The following AGPAT1 variants were observed in gnomAD, a reference collection of about 807,000 sequenced individuals.
AGPAT1 encodes the protein 1-acylglycerol-3-phosphate O-acyltransferase 1.
In AGPAT1, 6 loss-of-function variants were observed where a neutral mutation model predicts 31.2. The ratio of observed to expected loss-of-function variants is 0.19; its 90% CI spans 0.11 to 0.38. The LOEUF (loss-of-function observed/expected upper bound fraction) is 0.38, where lower values mean the gene tolerates loss of function less well. AGPAT1 is among the 10% of genes least tolerant of loss of function. The pLI is 1.00. For missense variants in AGPAT1, 187 were observed against 377.8 expected (o/e 0.49, Z 4.19); for synonymous variants, 139 against 154.0 (o/e 0.90, Z 0.72).
In AGPAT1 at chr6:32,176,068, G is replaced by C. The variant is rs551576878; in HGVS notation, c.-264C>G. ...CTTTCTGCTGTCTCTCTGAGGGCTG[G>C]GGCTGCTGCCGCCGCTATTCCCCCG... is the stretch of plus-strand genomic sequence containing the variant. On this transcript the variant is annotated 5_prime_UTR_variant, in exon 1 of 7. Transcript: ENST00000375107. 489 of 985,452 alleles carry C rather than the reference G, an allele frequency of 5.0e-4. 2 individuals are homozygous for C. In the Middle Eastern group the frequency reaches 5.7e-3, roughly 12 times the overall value. The allele number at this position is 985,452 out of a possible 1,614,324, so 61.0% of individuals were successfully genotyped here.
upstream of AGPAT1, chr6:32,177,675 C>T (rs898378663): frequency 2.0e-5 from 3 of 152,184 alleles, no homozygotes; most frequent in African/African-American, 7.2e-5. Context: ...GAGGGGCAGA[C>T]CCAAGTTCTG....
rs1340318719 is a variant in AGPAT1, at chr6:32,170,576, C to G, written c.359G>C (p.Arg120Pro). ...LLGMMEVLPG[R>P]CVPIAKRELL... ...CTCGCGCTTGGCAATGGGCACACAG[C>G]GGCCTGGCAGTACCTCCATCATCCC... The change falls in exon 4 of 7, where the codon CGC (arginine) becomes CCC (proline). Residue 120 changes from arginine to proline, a missense_variant. Arg to Pro is a moderately radical substitution (Grantham distance 103, BLOSUM62 -2). Coordinates refer to ENST00000375107, the MANE Select transcript of AGPAT1 (RefSeq NM_006411.4). The surrounding 1 kb of genome is among the most constrained non-coding windows in gnomAD (Gnocchi z 7.7). 1 of 1,612,252 alleles carries G rather than the reference C, an allele frequency of 6.2e-7. No individual in the cohort carries two copies.
In AGPAT1 at chr6:32,171,429, GGCAGCAGGAAGAGCA is replaced by G. The variant is rs754930631; in HGVS notation, c.53_67del (p.Leu18_Leu22del). The G allele has an allele frequency of 5.3e-5, 86 of 1,612,880 alleles. No individual in the cohort carries two copies. The highest frequency in any genetic ancestry group is 1.7e-4 in the Admixed American group (10 of 59,992). ...ACTGGGGCTGCAGAACCACAGGGTGGGCAGCAGGAAGAGCAGCAGCAGGAAGAGCAGCAGCAGCAG... is the reference window on the plus strand; with the variant it reads ...ACTGGGGCTGCAGAACCACAGGGTGGGCAGCAGGAAGAGCAGCAGCAGCAG... On this transcript the variant is annotated inframe_deletion, in exon 2 of 7. Coordinates refer to ENST00000375107, the MANE Select transcript of AGPAT1 (RefSeq NM_006411.4). This position sits in a 1 kb window ranked among gnomAD's most constrained non-coding sequence, Gnocchi z 6.9.
Position 32,169,630 on chromosome 6 carries a change from A to C in AGPAT1, c.680-182T>G. On this transcript the variant is annotated intron_variant, in intron 6 of 6. Transcript: ENST00000375107. This position sits in a 1 kb window ranked among gnomAD's most constrained non-coding sequence, Gnocchi z 5.9. ...CTTCTCCTATACAAAGCCTTCTCCA[A>C]TCCCCAGTTCAGACATCTCCTCAGC... 1.4e-6 allele frequency: 1 copy of C among 710,898 alleles called. No homozygotes were observed. Among genetic ancestry groups the C allele is most frequent in the Non-Finnish European group, 2.3e-6 (1 of 437,280 alleles). 44.0% of individuals were successfully genotyped at this position (710,898 alleles called of 1,614,324 possible).
upstream of AGPAT1, chr6:32,176,669 T>A: frequency 4.4e-6 from 1 of 229,474 alleles, no homozygotes; most frequent in Non-Finnish European, 7.6e-6. Flanking sequence ...CTCTGGCCTT[T>A]AAAGAGAAGA....
upstream of AGPAT1, chr6:32,177,460 G>A: frequency 5.0e-6 from 1 of 200,400 alleles, no homozygotes; most frequent in Non-Finnish European, 1.0e-5. Context: ...GGTTTAAAAC[G>A]GAGTTGAAGT....
Position 32,172,843 on chromosome 6 carries a change from A to C in AGPAT1, c.-9-1338T>G, listed in dbSNP as rs1270471520. 1 of 152,232 alleles carries C rather than the reference A, an allele frequency of 6.6e-6. No homozygotes were observed. The highest frequency in any genetic ancestry group is 2.4e-5 in the African/African-American group (1 of 41,458). The allele number at this position is 152,232 out of a possible 1,614,324, so 9.4% of individuals were successfully genotyped here. A position where few individuals can be genotyped will look rare whatever the true frequency, so the allele number is the denominator to read the frequency against. ...CACATAGACACAAATTTATAATTACACCCAGTGACAGATAAAAGAATGTAA... is the reference window on the plus strand; with the variant it reads ...CACATAGACACAAATTTATAATTACCCCCAGTGACAGATAAAAGAATGTAA... On this transcript the variant is annotated intron_variant, in intron 1 of 6. Transcript: ENST00000375107. This position sits in a 1 kb window ranked among gnomAD's most constrained non-coding sequence, Gnocchi z 4.3.
Position 32,170,792 on chromosome 6 carries a change from C to T in AGPAT1, c.334+145G>A. 1 of 1,290,648 alleles carries T rather than the reference C, an allele frequency of 7.7e-7. No individual in the cohort carries two copies. The highest frequency in any genetic ancestry group is 1.1e-6 in the Non-Finnish European group (1 of 916,482). 79.9% of individuals were successfully genotyped at this position (1,290,648 alleles called of 1,614,324 possible). ...AACCTGCTTATGAGGGCAGTTCTAC[C>T]CAGGGAATGAAGGCCTGAGTGGGAG... On this transcript the variant is annotated intron_variant, in intron 3 of 6. Coordinates refer to ENST00000375107, the MANE Select transcript of AGPAT1 (RefSeq NM_006411.4). This position sits in a 1 kb window ranked among gnomAD's most constrained non-coding sequence, Gnocchi z 7.7.
chr6:32,175,673 T>C lies in AGPAT1; in HGVS notation c.-10+141A>G. 3.9e-6 allele frequency: 1 copy of C among 258,026 alleles called. No individual in the cohort carries two copies. Among genetic ancestry groups the C allele is most frequent in the Non-Finnish European group, 6.1e-6 (1 of 165,282 alleles). 16.0% of individuals were successfully genotyped at this position (258,026 alleles called of 1,614,324 possible). On this transcript the variant is annotated intron_variant, in intron 1 of 6. Transcript: ENST00000375107. This position sits in a 1 kb window ranked among gnomAD's most constrained non-coding sequence, Gnocchi z 4.5. Reference sequence around the variant, plus strand: ...TCCCCTCTCCTATCCCCAGCAACCCTCTTCCCAGTCGGCCCCTCTCCTTTC... The same window carrying C: ...TCCCCTCTCCTATCCCCAGCAACCCCCTTCCCAGTCGGCCCCTCTCCTTTC...
rs1327246356 is a variant in AGPAT1, at chr6:32,168,497, G to A, written c.*779C>T. On this transcript the variant is annotated 3_prime_UTR_variant, in exon 7 of 7. Coordinates refer to ENST00000375107, the MANE Select transcript of AGPAT1 (RefSeq NM_006411.4). The surrounding 1 kb of genome is among the most constrained non-coding windows in gnomAD (Gnocchi z 4.5). Reference sequence around the variant, plus strand: ...CCCCAACTCCCCAGGGGGCAGAAGTGAGTGCAGCACCTGATGTCTGCTTCT... The same window carrying A: ...CCCCAACTCCCCAGGGGGCAGAAGTAAGTGCAGCACCTGATGTCTGCTTCT... 6.4e-6 allele frequency: 1 copy of A among 155,622 alleles called. No homozygotes were observed. Among genetic ancestry groups the A allele is most frequent in the Non-Finnish European group, 1.4e-5 (1 of 70,292 alleles). 9.6% of individuals were successfully genotyped at this position (155,622 alleles called of 1,614,324 possible).
At position 32,174,404 on chromosome 6, in the gene AGPAT1, A is replaced by G. The variant is rs539795488; in HGVS notation, c.-10+1410T>C. Among the ~76,000 whole-genome samples, 4 of 152,364 alleles carry G rather than the reference A, an allele frequency of 2.6e-5. No individual in the cohort carries two copies. In the South Asian group the frequency reaches 8.3e-4, roughly 32 times the overall value. On this transcript the variant is annotated intron_variant, in intron 1 of 6. Coordinates refer to ENST00000375107, the MANE Select transcript of AGPAT1 (RefSeq NM_006411.4). The surrounding 1 kb of genome is among the most constrained non-coding windows in gnomAD (Gnocchi z 4.5). ...ATAGATACATGCAATACATAGCCAT[A>G]ATGAAGGCAGAGTAACAATAATCAG...
chr6:32,175,868 A>T lies in AGPAT1; in HGVS notation c.-64T>A. ...GCCCCCTCCCCAGCCAGGCTGCGGC[A>T]GCGGTGGTGGCGGATGGCTGTGTCT... On this transcript the variant is annotated 5_prime_UTR_variant, in exon 1 of 7. Transcript: ENST00000375107. This position sits in a 1 kb window ranked among gnomAD's most constrained non-coding sequence, Gnocchi z 4.5. 4.1e-6 allele frequency: 4 copies of T among 986,184 alleles called. No homozygotes were observed. Among genetic ancestry groups the T allele is most frequent in the Non-Finnish European group, 4.8e-6 (4 of 830,676 alleles). 61.1% of individuals were successfully genotyped at this position (986,184 alleles called of 1,614,324 possible). A position where few individuals can be genotyped will look rare whatever the true frequency, so the allele number is the denominator to read the frequency against.
In AGPAT1 at chr6:32,169,364, C is replaced by T. The variant is rs1331273987; in HGVS notation, c.764G>A (p.Arg255Gln). Residue 255 changes from arginine to glutamine, a missense_variant, in exon 7 of 7, where the codon CGG (arginine) becomes CAG (glutamine). Coordinates refer to ENST00000375107, the MANE Select transcript of AGPAT1 (RefSeq NM_006411.4). This position sits in a 1 kb window ranked among gnomAD's most constrained non-coding sequence, Gnocchi z 5.9. ...DDVPALADRV[R>Q]HSMLTVFREI... The stretch of plus-strand genomic sequence containing the variant: ...CCGGAAAACAGTGAGCATGGAGTGC[C>T]GGACTCTGTCAGCCAGAGCTGGGAC... 3 of 1,612,912 alleles carry T rather than the reference C, an allele frequency of 1.9e-6. No homozygotes were observed. Among genetic ancestry groups the T allele is most frequent in the Non-Finnish European group, 1.7e-6 (2 of 1,179,964 alleles).
chr6:32,170,843 G>T lies in AGPAT1; in HGVS notation c.334+94C>A. 6.7e-7 allele frequency: 1 copy of T among 1,483,682 alleles called. No individual in the cohort carries two copies. Among genetic ancestry groups the T allele is most frequent in the Non-Finnish European group, 9.2e-7 (1 of 1,084,166 alleles). 91.9% of individuals were successfully genotyped at this position (1,483,682 alleles called of 1,614,324 possible). The stretch of plus-strand genomic sequence containing the variant: ...GCAAGGGGGCAATGTCCCAGAGGAA[G>T]GGGAATTGAGGATCTCTAGGAGAAG... On this transcript the variant is annotated intron_variant, in intron 3 of 6. Coordinates refer to ENST00000375107, the MANE Select transcript of AGPAT1 (RefSeq NM_006411.4). The surrounding 1 kb of genome is among the most constrained non-coding windows in gnomAD (Gnocchi z 7.7).
rs749653275 is a variant in AGPAT1, at chr6:32,171,388, T to G, written c.109A>C (p.Lys37Gln). ...ATCCAGCCATTGTAGAAGGCCATCT[T>G]GAAGAAGTACTTGGCACTGGGGCTG... Reference protein sequence around the residue: ...FCSPSAKYFFKMAFYNGWILF... With the variant: ...FCSPSAKYFFQMAFYNGWILF... Residue 37 changes from lysine (K) to glutamine (Q), a missense_variant, in exon 2 of 7, where the codon AAG becomes CAG. By Grantham distance (53) the Lys-to-Gln change is moderately conservative. This residue lies in a region of AGPAT1 where 45 missense variants were observed against 60.9 expected (regional missense o/e 0.74). Transcript: ENST00000375107. This position sits in a 1 kb window ranked among gnomAD's most constrained non-coding sequence, Gnocchi z 6.9. The G allele has an allele frequency of 6.2e-7, 1 of 1,613,164 alleles. No homozygotes were observed. Among genetic ancestry groups the G allele is most frequent in the South Asian group, 1.1e-5 (1 of 91,082 alleles).
rs938057525 is a variant in AGPAT1, at chr6:32,169,644, C to G, written c.680-196G>C. 1 of 676,158 alleles carries G rather than the reference C, an allele frequency of 1.5e-6. No individual in the cohort carries two copies. Among genetic ancestry groups the G allele is most frequent in the Admixed American group, 2.9e-5 (1 of 34,404 alleles). 41.9% of individuals were successfully genotyped at this position (676,158 alleles called of 1,614,324 possible). A position where few individuals can be genotyped will look rare whatever the true frequency, so the allele number is the denominator to read the frequency against. On this transcript the variant is annotated intron_variant, in intron 6 of 6. Transcript: ENST00000375107. This position sits in a 1 kb window ranked among gnomAD's most constrained non-coding sequence, Gnocchi z 5.9. ...AGCCTTCTCCAATCCCCAGTTCAGA[C>G]ATCTCCTCAGCACCCCTCCAGCCCC... is the stretch of plus-strand genomic sequence containing the variant.
At position 32,171,644 on chromosome 6, in the gene AGPAT1, A is replaced by G. The variant is rs1169367625; in HGVS notation, c.-9-139T>C. On this transcript the variant is annotated intron_variant, in intron 1 of 6. Transcript: ENST00000375107. This position sits in a 1 kb window ranked among gnomAD's most constrained non-coding sequence, Gnocchi z 6.9. ...CAAACTGGGGCAGGGGTCTCATTGA[A>G]ACCTTCCCAGGAAGGCTCTCTAGGA... The G allele has an allele frequency of 2.8e-5, 33 of 1,189,500 alleles. No homozygotes were observed. The highest frequency in any genetic ancestry group is 3.6e-5 in the Non-Finnish European group (31 of 857,676). The allele number at this position is 1,189,500 out of a possible 1,614,324, so 73.7% of individuals were successfully genotyped here. A position where few individuals can be genotyped will look rare whatever the true frequency, so the allele number is the denominator to read the frequency against.
chr6:32,168,938 C>G lies in AGPAT1; in HGVS notation c.*338G>C. On this transcript the variant is annotated 3_prime_UTR_variant, in exon 7 of 7. Coordinates refer to ENST00000375107, the MANE Select transcript of AGPAT1 (RefSeq NM_006411.4). This position sits in a 1 kb window ranked among gnomAD's most constrained non-coding sequence, Gnocchi z 4.5. The stretch of plus-strand genomic sequence containing the variant: ...TGGGGTAGAGGGGTAGAGAAGACCA[C>G]ATAGGAAGAGACTCCACTGGGGATG... 2.7e-6 allele frequency: 1 copy of G among 372,338 alleles called. No homozygotes were observed. The highest frequency in any genetic ancestry group is 4.9e-6 in the Non-Finnish European group (1 of 202,484). 23.1% of individuals were successfully genotyped at this position (372,338 alleles called of 1,614,324 possible).
upstream of AGPAT1, chr6:32,176,400 CTCT>C (rs1454221082): frequency 4.3e-5 from 32 of 747,388 alleles, 2 homozygotes; most frequent in South Asian, 3.6e-4. Flanking sequence ...TTTACTTGGT[CTCT>C]TTTTTTCTCA....
Sources: allele counts gnomAD v4.1 joint callset (sites outside exome capture counted in the v4.1 genomes callset), GRCh38; gene constraint gnomAD v4.1.1; regional missense constraint gnomAD v4.1.1; non-coding constraint Gnocchi (gnomAD v3.1); transcripts MANE v1.5; gene names NCBI Gene and HGNC (gene_info 2026-07-23, HGNC 2026-07-21).